Variants in CDH12 observed in about 807,000 individuals in gnomAD.
The protein encoded by CDH12 is cadherin-12.
CDH12 carries 41 observed loss-of-function variants against 74.1 expected under a neutral mutation model. That is an observed-to-expected ratio of 0.55 (90% CI 0.43 to 0.72). CDH12 has a LOEUF of 0.72. Among genes scored for constraint, CDH12 ranks in the 30% least tolerant of loss-of-function variants. The pLI is 0.00. For synonymous variants in CDH12, 399 were observed against 355.0 expected, an observed-to-expected ratio of 1.12 and a Z score of -1.39; for missense variants, 945 against 977.2, an observed-to-expected ratio of 0.97 and a Z score of 0.44.
chr5:22,220,616 A>G (rs890010779), intron 3 of CDH12, among the ~76,000 whole-genome samples: 1 of 151,540 alleles, frequency 6.6e-6, no homozygotes, highest in Non-Finnish European at 1.5e-5. Context: ...ATTTTTCTTT[A>G]ATTTATCTCT....
intron 1 of CDH12, among the ~76,000 whole-genome samples, chr5:22,602,647 A>G (rs1561521357): frequency 6.6e-6 from 1 of 152,140 alleles, no homozygotes; most frequent in Non-Finnish European, 1.5e-5. Context: ...AGAATACTAT[A>G]TATTTCCCAC....
At chr5:22,842,051 A>C (rs1290904045) in intron 1 of CDH12, among the ~76,000 whole-genome samples, 1 of 152,200 alleles carries the variant, frequency 6.6e-6, no homozygotes, top group East Asian at 1.9e-4. Flanking sequence ...ACAACAGAAC[A>C]GGTGAAAAAC....
chr5:22,142,237 A>C (rs1746844756), intron 4 of CDH12: 1 of 174,620 alleles, frequency 5.7e-6, no homozygotes, highest in African/African-American at 2.4e-5. Context: ...TAGAAATGAT[A>C]ATGAAAGCCA....
intron 6 of CDH12, among the ~76,000 whole-genome samples, chr5:21,893,090 T>C (rs1378852479): frequency 6.6e-6 from 1 of 152,196 alleles, no homozygotes; most frequent in Admixed American, 6.5e-5. Context: ...CGCATCTTGC[T>C]CTTGTTCTTA....
At chr5:22,715,145 A>G (rs1302156686) in intron 1 of CDH12, among the ~76,000 whole-genome samples, 2 of 152,212 alleles carry the variant, frequency 1.3e-5, no homozygotes, top group African/African-American at 4.8e-5. Flanking sequence ...ATGCTTGTCA[A>G]AATTGTACCT....
chr5:22,147,584 T>C (rs1185135803), intron 4 of CDH12, among the ~76,000 whole-genome samples: 2 of 137,678 alleles, frequency 1.5e-5, no homozygotes, highest in African/African-American at 2.8e-5. Flanking sequence ...CTGGGTAGTT[T>C]ATCTTAAAAA....
chr5:22,514,319 A>G (rs1180587889), intron 1 of CDH12, among the ~76,000 whole-genome samples: 5 of 152,140 alleles, frequency 3.3e-5, no homozygotes, highest in Admixed American at 6.5e-5. Context: ...ACATAAACAT[A>G]TTTTTAAGTG....
intron 4 of CDH12, among the ~76,000 whole-genome samples, chr5:22,153,872 G>GTATATATATATATATA: frequency 8.1e-6 from 1 of 123,488 alleles, no homozygotes; most frequent in Non-Finnish European, 1.6e-5. Flanking sequence ...ATATATATAT[G>GTATATATATATATATA]TATATATATA....
chr5:22,735,871 T>C (rs1191575050), intron 1 of CDH12, among the ~76,000 whole-genome samples: 1 of 151,898 alleles, frequency 6.6e-6, no homozygotes, highest in Non-Finnish European at 1.5e-5. Context: ...AAAATTAATC[T>C]GGAGAAGTGT....
At chr5:22,415,741 T>C (rs1437400361) in intron 2 of CDH12, among the ~76,000 whole-genome samples, 1 of 152,202 alleles carries the variant, frequency 6.6e-6, no homozygotes, top group Non-Finnish European at 1.5e-5. Context: ...TGTTATATTA[T>C]GTATCACAAG....
At chr5:22,626,498 G>A (rs537484165) in intron 1 of CDH12, among the ~76,000 whole-genome samples, 2 of 152,280 alleles carry the variant, frequency 1.3e-5, no homozygotes, top group South Asian at 4.1e-4. Context: ...TTAGCCCCCT[G>A]AAATCTTCCA....
chr5:22,350,993 G>A (rs544809380), intron 3 of CDH12, among the ~76,000 whole-genome samples: 20 of 152,206 alleles, frequency 1.3e-4, no homozygotes, highest in African/African-American at 4.8e-4. Flanking sequence ...TGTCAAACAA[G>A]TTTTTAATAT....
chr5:22,564,085 A>G (rs894850982), intron 1 of CDH12, among the ~76,000 whole-genome samples: 1 of 152,182 alleles, frequency 6.6e-6, no homozygotes, highest in Non-Finnish European at 1.5e-5. Flanking sequence ...GTTTATTCTA[A>G]CTGCCAACCC....
chr5:21,994,620 A>G (rs557011508), intron 5 of CDH12, among the ~76,000 whole-genome samples: 1 of 152,214 alleles, frequency 6.6e-6, no homozygotes, highest in Admixed American at 6.5e-5. Context: ...CAAAGTCAGT[A>G]CAGCAGGTTT....
At chr5:21,762,772 G>A (rs1358818836) in intron 12 of CDH12, among the ~76,000 whole-genome samples, 1 of 151,936 alleles carries the variant, frequency 6.6e-6, no homozygotes, top group East Asian at 1.9e-4. Context: ...AACATTAAAT[G>A]GAGCTCTATT....
intron 4 of CDH12, chr5:22,142,293 A>G (rs1047041859): frequency 7.4e-6 from 2 of 271,764 alleles, no homozygotes; most frequent in African/African-American, 4.6e-5. Flanking sequence ...AGTAAAAAAG[A>G]AAGCCTATAT....
At chr5:22,592,568 T>A (rs540971945) in intron 1 of CDH12, among the ~76,000 whole-genome samples, 10 of 152,176 alleles carry the variant, frequency 6.6e-5, no homozygotes, top group Non-Finnish European at 1.3e-4. Flanking sequence ...TTTTTCAGTG[T>A]TTTTAGTATT....
intron 4 of CDH12, among the ~76,000 whole-genome samples, chr5:22,176,100 C>T (rs1749322537): frequency 6.6e-6 from 1 of 152,116 alleles, no homozygotes; most frequent in African/African-American, 2.4e-5. Context: ...TCCTAGTTCT[C>T]AGTGTATACA....
At chr5:21,978,760 G>A (rs1392881284) in intron 5 of CDH12, among the ~76,000 whole-genome samples, 3 of 152,074 alleles carry the variant, frequency 2.0e-5, no homozygotes, top group South Asian at 4.1e-4. Context: ...GTGTATGTAT[G>A]TATACGCACG....
Sources: gnomAD v4.1 joint callset for allele counts (sites outside exome capture counted in the v4.1 genomes callset) on GRCh38, gnomAD v4.1.1 for gene constraint, MANE v1.5 for transcripts, NCBI Gene and HGNC (gene_info 2026-07-23, HGNC 2026-07-21) for gene names.